Variants in MSH4 observed in about 807,000 individuals in gnomAD.
The protein encoded by MSH4 is mutS homolog 4, also known as mutS protein homolog 4.
MSH4 carries 106 observed loss-of-function variants against 113.7 expected under a neutral mutation model. The ratio of observed to expected loss-of-function variants is 0.93; its 90% CI spans 0.80 to 1.10. The LOEUF is 1.10. Ranked by LOEUF, MSH4 falls within the 50% of genes least tolerant of loss-of-function variation. The probability of loss-of-function intolerance (pLI) is 0.00; values close to 1 mark genes in which losing one functional copy is unlikely to be tolerated. For synonymous variants in MSH4, 368 were observed against 380.2 expected, an observed-to-expected ratio of 0.97 and a Z score of 0.37; for missense variants, 1,061 against 1,093.7, an observed-to-expected ratio of 0.97 and a Z score of 0.42.
chr1:75,837,680 GC>G (rs1422015867), intron 7 of MSH4, among the ~76,000 whole-genome samples: 1 of 152,086 alleles, frequency 6.6e-6, no homozygotes. Context: ...GAACCACTGT[GC>G]CCGGCCGCCA....
At chr1:75,833,871 T>C (rs1416873818) in intron 7 of MSH4, among the ~76,000 whole-genome samples, 2 of 152,190 alleles carry the variant, frequency 1.3e-5, no homozygotes, top group Non-Finnish European at 2.9e-5. Flanking sequence ...GTCATAGGCA[T>C]GGGCAAGGAC....
intron 6 of MSH4, among the ~76,000 whole-genome samples, chr1:75,821,701 T>C (rs1198119744): frequency 6.6e-6 from 1 of 152,178 alleles, no homozygotes; most frequent in African/African-American, 2.4e-5. Context: ...CTTGACCTCC[T>C]GGGCTCAAGC....
At chr1:75,885,506 A>G (rs1178691422) in intron 15 of MSH4, among the ~76,000 whole-genome samples, 1 of 126,466 alleles carries the variant, frequency 7.9e-6, no homozygotes, top group Non-Finnish European at 1.6e-5. Flanking sequence ...ATATATATAT[A>G]CATATAACCT....
At chr1:75,880,257 G>A (rs1651902502) in intron 13 of MSH4, 104 bp downstream of exon 13, 1 of 630,432 alleles carries the variant, frequency 1.6e-6, no homozygotes, top group Non-Finnish European at 2.7e-6. Flanking sequence ...GACAATTGTA[G>A]AATTATGCAT....
intron 17 of MSH4, among the ~76,000 whole-genome samples, chr1:75,893,206 C>G (rs148275917): frequency 6.6e-6 from 1 of 152,106 alleles, no homozygotes; most frequent in Non-Finnish European, 1.5e-5. Context: ...AAAAAAGCAC[C>G]AAATTGCCAG....
rs3037163 is a variant in MSH4 at position 75,912,674 on chromosome 1, AT to A, written c.2620-10del. 7,565 of 667,750 alleles carry A rather than the reference AT, an allele frequency of 0.011. 44 individuals carry two copies. The highest frequency in any genetic ancestry group is 0.02 in the Middle Eastern group (48 of 2,408). The allele number at this position is 667,750 out of a possible 1,614,324, so 41.4% of individuals were successfully genotyped here. A position where few individuals can be genotyped will look rare whatever the true frequency, so the allele number is the denominator to read the frequency against. On this transcript the variant is annotated intron_variant, in intron 19 of 19. Transcript: ENST00000263187. ...ATGGTATTTGTGTATATATATATAT[AT>A]TTTTTTTTTTTCAATGACAGCAAAA...
At chr1:75,801,525 G>A (rs1012642719) in intron 1 of MSH4, among the ~76,000 whole-genome samples, 11 of 146,956 alleles carry the variant, frequency 7.5e-5, no homozygotes, top group African/African-American at 2.0e-4. Context: ...CTGAGATTGC[G>A]CCATTGCACT....
At chr1:75,831,902 A>G (rs1284538322) in intron 7 of MSH4, among the ~76,000 whole-genome samples, 1 of 152,232 alleles carries the variant, frequency 6.6e-6, no homozygotes, top group East Asian at 1.9e-4. Flanking sequence ...AAACCCATTC[A>G]AAAGCTAGCA....
At chr1:75,908,568 A>G (rs1652719608) in intron 19 of MSH4, among the ~76,000 whole-genome samples, 1 of 152,292 alleles carries the variant, frequency 6.6e-6, no homozygotes, top group Non-Finnish European at 1.5e-5. Flanking sequence ...GAGCTCACGT[A>G]TCACCATCTC....
chr1:75,883,285 A>T (rs932362274), intron 14 of MSH4, among the ~76,000 whole-genome samples: 1 of 150,514 alleles, frequency 6.6e-6, no homozygotes, highest in Non-Finnish European at 1.5e-5. Flanking sequence ...AAATGCTGGG[A>T]TTACCAGCAT....
intron 8 of MSH4, among the ~76,000 whole-genome samples, chr1:75,863,216 T>G (rs1307678436): frequency 1.3e-5 from 2 of 152,300 alleles, no homozygotes; most frequent in Admixed American, 6.5e-5. Context: ...AGTGCTAAAA[T>G]ATAATAAGAA....
intron 8 of MSH4, among the ~76,000 whole-genome samples, chr1:75,854,456 G>T (rs889675125): frequency 6.6e-6 from 1 of 152,064 alleles, no homozygotes; most frequent in African/African-American, 2.4e-5. Flanking sequence ...CAAAACCTGT[G>T]TCAGGGTTTC....
At chr1:75,885,318 G>GGGGTGTGT (rs1276998811) in intron 15 of MSH4, among the ~76,000 whole-genome samples, 1 of 105,338 alleles carries the variant, frequency 9.5e-6, no homozygotes, top group African/African-American at 3.8e-5. Flanking sequence ...TCACACTGGG[G>GGGGTGTGT]GTGTGTGTGT....
chr1:75,885,031 G>A lies in MSH4; in HGVS notation c.2107+1210G>A, dbSNP rs1291731159. ...TGTGTATGTGTGTATATATATATAT[G>A]TGTGTGTGTGTGTGTGTGTGTGTGT... On this transcript the variant is annotated intron_variant, in intron 15 of 19. Coordinates refer to ENST00000263187, the MANE Select transcript of MSH4 (RefSeq NM_002440.4). Among the ~76,000 whole-genome samples the A allele has an allele frequency of 7.6e-3, 877 of 115,114 alleles. 6 individuals are homozygous for A. The highest frequency in any genetic ancestry group is 0.027 in the African/African-American group (734 of 26,712). The allele number at this position is 115,114 out of a possible 152,430, so 75.5% of individuals were successfully genotyped here.
chr1:75,806,730 T>C (rs1049502932), intron 2 of MSH4, among the ~76,000 whole-genome samples: 1 of 152,154 alleles, frequency 6.6e-6, no homozygotes. Context: ...TGATTCTTCT[T>C]GGCCCTTTGC....
chr1:75,835,498 T>A (rs1297817376), intron 7 of MSH4, among the ~76,000 whole-genome samples: 3 of 152,198 alleles, frequency 2.0e-5, no homozygotes, highest in African/African-American at 4.8e-5. Flanking sequence ...GATACCTTTT[T>A]AAACTTTCTG....
intron 7 of MSH4, among the ~76,000 whole-genome samples, chr1:75,830,319 T>C (rs1233381481): frequency 6.6e-6 from 1 of 152,164 alleles, no homozygotes; most frequent in Non-Finnish European, 1.5e-5. Flanking sequence ...CTCATTGGTG[T>C]ACCTAAAAGT....
At chr1:75,871,128 G>A (rs1481290132) in intron 9 of MSH4, among the ~76,000 whole-genome samples, 4 of 152,096 alleles carry the variant, frequency 2.6e-5, no homozygotes, top group African/African-American at 9.7e-5. Flanking sequence ...GGGAAACAAG[G>A]CACCTTTGTT....
At chr1:75,912,063 T>G (rs2100601235) in intron 19 of MSH4, among the ~76,000 whole-genome samples, 1 of 152,264 alleles carries the variant, frequency 6.6e-6, no homozygotes, top group East Asian at 1.9e-4. Flanking sequence ...GAAGTTTAGT[T>G]TATTAAAAAT....
Sources: gnomAD v4.1 joint callset for allele counts (sites outside exome capture counted in the v4.1 genomes callset) on GRCh38, gnomAD v4.1.1 for gene constraint, MANE v1.5 for transcripts, NCBI Gene and HGNC (gene_info 2026-07-23, HGNC 2026-07-21) for gene names.